The following CHIC1 variants were observed in gnomAD, a reference collection of about 807,000 sequenced individuals.
The protein encoded by CHIC1 is cysteine rich hydrophobic domain 1.
Under a neutral mutation model 18.5 loss-of-function variants are expected in CHIC1, and 7 were observed. The ratio of observed to expected loss-of-function variants is 0.38; its 90% confidence interval spans 0.22 to 0.71. CHIC1 has a LOEUF of 0.71. Among genes scored for constraint, CHIC1 ranks in the 30% least tolerant of loss-of-function variants. The pLI, the probability that CHIC1 is intolerant of heterozygous loss-of-function variation, is 0.49. For missense variants in CHIC1, 159 were observed against 176.9 expected, an observed-to-expected ratio of 0.90 and a Z score of 0.57; for synonymous variants, 77 against 73.5, an observed-to-expected ratio of 1.05 and a Z score of -0.25.
intron 3 of CHIC1, among the ~76,000 whole-genome samples, chrX:73,674,487 T>C (rs1398479482): frequency 1.8e-5 from 2 of 112,333 alleles, no homozygotes; most frequent in African/African-American, 3.2e-5. Context: ...CAGGAATTTA[T>C]CCCTTTCTTC....
intron 3 of CHIC1, among the ~76,000 whole-genome samples, chrX:73,588,033 A>G (rs1180508311): frequency 8.9e-6 from 1 of 111,871 alleles, no homozygotes; most frequent in East Asian, 2.8e-4. Context: ...CTGCAGAAGT[A>G]CAGTGATTGG....
intron 1 of CHIC1, among the ~76,000 whole-genome samples, chrX:73,572,150 C>G (rs923898095): frequency 1.8e-5 from 2 of 110,900 alleles, no homozygotes; most frequent in Non-Finnish European, 3.8e-5. Context: ...TCTATTATTC[C>G]CATCTTTATG....
chrX:73,597,970 A>G (rs771215003), intron 3 of CHIC1, among the ~76,000 whole-genome samples: 193 of 111,734 alleles, frequency 1.7e-3, no homozygotes, highest in African/African-American at 5.8e-3. Flanking sequence ...TTATGGCTGC[A>G]TAGTATTCCA....
chrX:73,636,793 A>G (rs758091869), intron 3 of CHIC1, among the ~76,000 whole-genome samples: 1 of 110,960 alleles, frequency 9.0e-6, no homozygotes, highest in East Asian at 2.8e-4. Flanking sequence ...CAGAATCTCT[A>G]TTTATATATA....
chrX:73,675,639 TG>T (rs974536817), intron 3 of CHIC1, among the ~76,000 whole-genome samples: 4 of 111,818 alleles, frequency 3.6e-5, no homozygotes, highest in African/African-American at 1.3e-4. Flanking sequence ...GCACATGAAA[TG>T]GGTTTCCTGA....
intron 3 of CHIC1, among the ~76,000 whole-genome samples, chrX:73,609,349 T>C (rs1236637097): frequency 9.2e-6 from 1 of 108,613 alleles, no homozygotes; most frequent in Non-Finnish European, 1.9e-5. Context: ...TTTTCATGTA[T>C]GGCCTTTATC....
chrX:73,604,469 T>C (rs2057669118), intron 3 of CHIC1, among the ~76,000 whole-genome samples: 1 of 108,947 alleles, frequency 9.2e-6, no homozygotes, highest in South Asian at 3.7e-4. Context: ...CCTGGATTCA[T>C]TGATTTTTTT....
At chrX:73,639,917 A>G (rs2057847352) in intron 3 of CHIC1, among the ~76,000 whole-genome samples, 2 of 112,004 alleles carry the variant, frequency 1.8e-5, no homozygotes, top group African/African-American at 6.5e-5. Flanking sequence ...TATCAGCTCA[A>G]GGAGCTTTTA....
intron 3 of CHIC1, among the ~76,000 whole-genome samples, chrX:73,622,605 C>G (rs2057765306): frequency 9.0e-6 from 1 of 111,110 alleles, no homozygotes; most frequent in Non-Finnish European, 1.9e-5. Flanking sequence ...GGCTAGCAGT[C>G]TAACTATTTT....
intron 1 of CHIC1, among the ~76,000 whole-genome samples, 182 bp downstream of exon 1, chrX:73,563,762 G>A (rs1224931408): frequency 3.6e-5 from 4 of 111,000 alleles, no homozygotes; most frequent in African/African-American, 6.6e-5. Context: ...GAAGTGAGGA[G>A]AATGTAAATA....
intron 3 of CHIC1, among the ~76,000 whole-genome samples, chrX:73,667,464 G>A (rs187449172): frequency 1.4e-3 from 153 of 111,932 alleles, no homozygotes; most frequent in African/African-American, 4.5e-3. Flanking sequence ...ATGTACTTAA[G>A]TATGTTTTTG....
At chrX:73,664,448 C>T (rs1392475982) in intron 3 of CHIC1, among the ~76,000 whole-genome samples, 3 of 110,513 alleles carry the variant, frequency 2.7e-5, no homozygotes, top group Admixed American at 9.7e-5. Flanking sequence ...TTGACATGCT[C>T]GTATAAGTTC....
chrX:73,636,901 C>G (rs1333086931), intron 3 of CHIC1, among the ~76,000 whole-genome samples: 1 of 110,618 alleles, frequency 9.0e-6, no homozygotes, highest in Admixed American at 9.7e-5. Context: ...ATGTGTTTAT[C>G]ATTTGTTTTA....
intron 3 of CHIC1, among the ~76,000 whole-genome samples, chrX:73,673,736 T>G (rs1421251660): frequency 8.9e-6 from 1 of 111,804 alleles, no homozygotes; most frequent in African/African-American, 3.3e-5. Flanking sequence ...TGAATACCCT[T>G]TATTTCCTTC....
intron 1 of CHIC1, among the ~76,000 whole-genome samples, chrX:73,567,366 T>C (rs1488248967): frequency 9.0e-6 from 1 of 111,120 alleles, no homozygotes. Context: ...AAAGCCTTCC[T>C]ATTTCTGTAT....
intron 3 of CHIC1, among the ~76,000 whole-genome samples, chrX:73,660,309 G>A (rs2057973298): frequency 8.9e-6 from 1 of 111,880 alleles, no homozygotes; most frequent in African/African-American, 3.3e-5. Context: ...TCCAATGTGT[G>A]CCATTAATGA....
chrX:73,587,503 G>A (rs2057558959), intron 3 of CHIC1, among the ~76,000 whole-genome samples: 1 of 111,363 alleles, frequency 9.0e-6, no homozygotes, highest in African/African-American at 3.3e-5. Context: ...TCATTAAATT[G>A]AGAGAGATGG....
chrX:73,655,425 AG>A (rs2057938333), intron 3 of CHIC1, among the ~76,000 whole-genome samples: 1 of 93,229 alleles, frequency 1.1e-5, no homozygotes, highest in Non-Finnish European at 2.1e-5. Flanking sequence ...GTGTATATAT[AG>A]TGTGTGTATA....
At chrX:73,591,909 TTA>T (rs1055800635) in intron 3 of CHIC1, among the ~76,000 whole-genome samples, 1 of 111,776 alleles carries the variant, frequency 8.9e-6, no homozygotes, top group Non-Finnish European at 1.9e-5. Flanking sequence ...TACTGTAGCT[TTA>T]TAGTAAGTCA....
Sources: gnomAD v4.1 joint callset for allele counts (sites outside exome capture counted in the v4.1 genomes callset) on GRCh38, gnomAD v4.1.1 for gene constraint, MANE v1.5 for transcripts, NCBI Gene and HGNC (gene_info 2026-07-23, HGNC 2026-07-21) for gene names.